Variants in NEGR1 observed in about 807,000 individuals in gnomAD.
The protein encoded by NEGR1 is IgLON family member 4.
A neutral mutation model predicts 40.9 loss-of-function variants in NEGR1; 10 were observed. The ratio of observed to expected loss-of-function variants is 0.24; its 90% CI spans 0.15 to 0.42. The LOEUF (loss-of-function observed/expected upper bound fraction) is 0.42. NEGR1 is among the 10% of genes least tolerant of loss of function. The pLI is 1.00. For missense variants in NEGR1, 352 were observed against 438.9 expected, an observed-to-expected ratio of 0.80 and a Z score of 1.77; for synonymous variants, 185 against 166.8, an observed-to-expected ratio of 1.11 and a Z score of -0.84.
At chr1:71,938,417 T>G (rs1200519102) in intron 1 of NEGR1, among the ~76,000 whole-genome samples, 2 of 151,138 alleles carry the variant, frequency 1.3e-5, no homozygotes, top group African/African-American at 4.8e-5. Context: ...GGTGTTTTTT[T>G]TTTTTTTTTT....
intron 2 of NEGR1, among the ~76,000 whole-genome samples, chr1:71,870,588 A>G (rs1424209500): frequency 6.6e-6 from 1 of 152,214 alleles, no homozygotes; most frequent in Non-Finnish European, 1.5e-5. Context: ...GCAGTTAAGT[A>G]TAGCTGACTC....
intron 1 of NEGR1, among the ~76,000 whole-genome samples, chr1:72,273,835 A>T (rs1423190815): frequency 1.4e-5 from 2 of 147,410 alleles, no homozygotes; most frequent in African/African-American, 5.1e-5. Flanking sequence ...TATGGATTTA[A>T]AAAAAAAAAC....
chr1:71,839,998 G>C (rs1237661844), intron 2 of NEGR1, among the ~76,000 whole-genome samples: 2 of 152,070 alleles, frequency 1.3e-5, no homozygotes, highest in South Asian at 2.1e-4. Flanking sequence ...TGCAGGTGAC[G>C]ATGTAAAATA....
intron 4 of NEGR1, among the ~76,000 whole-genome samples, chr1:71,658,256 T>C (rs1317551546): frequency 6.6e-6 from 1 of 152,236 alleles, no homozygotes; most frequent in Non-Finnish European, 1.5e-5. Context: ...TGCCATAAGT[T>C]AAGGTTTTGT....
In NEGR1 at chr1:71,913,332, C is replaced by G. The variant is rs1207867350; in HGVS notation, c.409+21747G>C. ...GTTCCGCCATGTTGGCCAGGTTGGT[C>G]TTGAACTCCTGACCTCAGATGATTC... On this transcript the variant is annotated intron_variant, in intron 2 of 6. Coordinates refer to ENST00000357731, the MANE Select transcript of NEGR1 (RefSeq NM_173808.3). Among the ~76,000 whole-genome samples, 4 of 152,222 alleles carry G rather than the reference C, an allele frequency of 2.6e-5. No homozygotes were observed. The East Asian group carries it at 7.8e-4, about 30-fold the overall frequency.
At chr1:71,779,857 C>G (rs1214597891) in intron 2 of NEGR1, among the ~76,000 whole-genome samples, 1 of 151,946 alleles carries the variant, frequency 6.6e-6, no homozygotes, top group African/African-American at 2.4e-5. Flanking sequence ...GAGTGAGCCA[C>G]CACACCAGGC....
rs182566447 is a variant in NEGR1, at chr1:71,801,313, T to C, written c.410-25016A>G. Among the ~76,000 whole-genome samples the C allele has an allele frequency of 2.7e-3, 414 of 152,304 alleles. 1 individual carries two copies. Among genetic ancestry groups the C allele is most frequent in the Non-Finnish European group, 3.9e-3 (264 of 68,026 alleles). ...CCTCCTTTTATCTACATTACTGCTT[T>C]AGTGAGTCCATCACATTTTATGGTT... is the stretch of plus-strand genomic sequence containing the variant. On this transcript the variant is annotated intron_variant, in intron 2 of 6. Coordinates refer to ENST00000357731, the MANE Select transcript of NEGR1 (RefSeq NM_173808.3).
At chr1:71,829,918 G>A (rs1658780648) in intron 2 of NEGR1, among the ~76,000 whole-genome samples, 1 of 151,918 alleles carries the variant, frequency 6.6e-6, no homozygotes, top group Non-Finnish European at 1.5e-5. Flanking sequence ...TGCATGTATA[G>A]TCTGCCTACC....
chr1:71,513,090 G>T (rs357202), intron 6 of NEGR1, among the ~76,000 whole-genome samples: 86,327 of 151,946 alleles, frequency 0.57, 25,003 homozygotes, highest in Middle Eastern at 0.66. Context: ...TACAATTATA[G>T]ATACAATTCA....
chr1:71,470,369 G>A (rs115701417), intron 6 of NEGR1, among the ~76,000 whole-genome samples: 1 of 152,034 alleles, frequency 6.6e-6, no homozygotes, highest in African/African-American at 2.4e-5. Flanking sequence ...CGATGTTGAT[G>A]TTTTATGTGA....
chr1:72,004,369 C>T (rs555375902), intron 1 of NEGR1, among the ~76,000 whole-genome samples: 6 of 152,200 alleles, frequency 3.9e-5, no homozygotes, highest in East Asian at 1.9e-4. Flanking sequence ...TGCAGTGGCA[C>T]GATCTCTGCT....
chr1:72,265,894 T>C (rs1655622172), intron 1 of NEGR1, among the ~76,000 whole-genome samples: 2 of 150,866 alleles, frequency 1.3e-5, no homozygotes, highest in Admixed American at 1.3e-4. Flanking sequence ...ACTTGTGATG[T>C]CCTATTTTAT....
At chr1:71,440,769 T>A (rs1646541890) in intron 6 of NEGR1, among the ~76,000 whole-genome samples, 1 of 152,216 alleles carries the variant, frequency 6.6e-6, no homozygotes. Flanking sequence ...CTACCTTAGG[T>A]CTTTATTTCT....
rs1012969678 is a variant in NEGR1 at position 71,674,780 on chromosome 1, A to G, written c.667+23228T>C. On this transcript the variant is annotated intron_variant, in intron 4 of 6. Transcript: ENST00000357731. ...TCACTCAGATGTAACCTTATCAGAA[A>G]GGGCTTCTCTGAACATGTTATGTAA... Among the ~76,000 whole-genome samples, 10 of 152,246 alleles carry G rather than the reference A, an allele frequency of 6.6e-5. No individual in the cohort carries two copies. In the South Asian group the frequency reaches 1.7e-3, roughly 25 times the overall value.
chr1:71,996,814 A>G (rs1392967579), intron 1 of NEGR1, among the ~76,000 whole-genome samples: 1 of 152,042 alleles, frequency 6.6e-6, no homozygotes, highest in Non-Finnish European at 1.5e-5. Flanking sequence ...TTTACCTCTG[A>G]CCTTTACATT....
chr1:71,981,813 G>A (rs368280241), intron 1 of NEGR1, among the ~76,000 whole-genome samples: 3 of 151,678 alleles, frequency 2.0e-5, no homozygotes, highest in Non-Finnish European at 4.4e-5. Flanking sequence ...AGGGTTAGAG[G>A]CTTCATGCAT....
chr1:71,645,473 T>C (rs1211712534), intron 4 of NEGR1, among the ~76,000 whole-genome samples: 1 of 151,920 alleles, frequency 6.6e-6, no homozygotes, highest in Non-Finnish European at 1.5e-5. Context: ...TAATATAGTC[T>C]TAGAAATACA....
intron 4 of NEGR1, among the ~76,000 whole-genome samples, chr1:71,642,999 G>A (rs535072051): frequency 5.3e-5 from 8 of 151,884 alleles, no homozygotes; most frequent in African/African-American, 1.2e-4. Context: ...AATAAAGAAG[G>A]GGAATAAAAA....
intron 6 of NEGR1, among the ~76,000 whole-genome samples, chr1:71,514,168 G>A (rs1339276951): frequency 2.1e-5 from 3 of 145,806 alleles, no homozygotes; most frequent in Admixed American, 1.4e-4. Flanking sequence ...CCATTGCCCA[G>A]GCTTGCTTAG....
Sources: gnomAD v4.1 joint callset for allele counts (sites outside exome capture counted in the v4.1 genomes callset) on GRCh38, gnomAD v4.1.1 for gene constraint, MANE v1.5 for transcripts, NCBI Gene and HGNC (gene_info 2026-07-23, HGNC 2026-07-21) for gene names.